The following DACH2 variants were observed in gnomAD, a reference collection of about 807,000 sequenced individuals.
DACH2 encodes dachshund homolog 2.
DACH2 carries 17 observed loss-of-function variants against 35.8 expected under a neutral mutation model. The observed-to-expected ratio is 0.48, with a 90% CI of 0.33 to 0.71. The LOEUF (loss-of-function observed/expected upper bound fraction) is 0.71, where lower values mean the gene tolerates loss of function less well. DACH2 is among the 30% of genes least tolerant of loss of function. The pLI, the probability that DACH2 is intolerant of heterozygous loss-of-function variation, is 0.02. For missense variants in DACH2, 469 were observed against 472.7 expected (o/e 0.99, Z 0.07); for synonymous variants, 195 against 177.3 (o/e 1.10, Z -0.79).
chrX:86,607,047 T>C lies in DACH2; in HGVS notation c.641-43989T>C, dbSNP rs761640854. On this transcript the variant is annotated intron_variant, in intron 3 of 11. Transcript: ENST00000373125. Reference sequence around the variant, plus strand: ...TTTTATGGTTTCCATTAGCATGGGATATCTTTTTATTTTTAGTCTGTGTGT... The same window carrying C: ...TTTTATGGTTTCCATTAGCATGGGACATCTTTTTATTTTTAGTCTGTGTGT... Among the ~76,000 whole-genome samples the C allele has an allele frequency of 4.0e-4, 45 of 111,792 alleles. 1 individual carries two copies. The highest frequency in any genetic ancestry group is 1.5e-3 in the South Asian group (4 of 2,695).
intron 1 of DACH2, among the ~76,000 whole-genome samples, chrX:86,362,155 T>C (rs934373135): frequency 9.0e-6 from 1 of 111,143 alleles, no homozygotes; most frequent in African/African-American, 3.3e-5. Context: ...TTTAGAACAA[T>C]GCTAGATACT....
chrX:86,723,769 G>C (rs1389672136), intron 6 of DACH2, among the ~76,000 whole-genome samples: 1 of 111,645 alleles, frequency 9.0e-6, no homozygotes, highest in Non-Finnish European at 1.9e-5. Flanking sequence ...ATATTCTGTA[G>C]TTGTTAGATA....
chrX:86,552,922 C>T (rs1056015933), intron 3 of DACH2, among the ~76,000 whole-genome samples: 9 of 110,775 alleles, frequency 8.1e-5, no homozygotes, highest in African/African-American at 2.6e-4. Flanking sequence ...TGTTACACAG[C>T]ATAGTATATA....
At chrX:86,512,872 G>A (rs768324250) in intron 2 of DACH2, 8 of 326,096 alleles carry the variant, frequency 2.5e-5, no homozygotes, top group African/African-American at 1.9e-4. Flanking sequence ...AGGCAAACAC[G>A]GTAAAACACT....
intron 4 of DACH2, among the ~76,000 whole-genome samples, chrX:86,677,066 T>C (rs1304661898): frequency 8.9e-6 from 1 of 112,036 alleles, no homozygotes; most frequent in Non-Finnish European, 1.9e-5. Context: ...TCAAAATATT[T>C]AATTTCTATG....
At chrX:86,502,758 C>A (rs1445263277) in intron 2 of DACH2, among the ~76,000 whole-genome samples, 1 of 112,338 alleles carries the variant, frequency 8.9e-6, no homozygotes, top group East Asian at 2.8e-4. Context: ...ACAACAAATA[C>A]ATACACCGAG....
chrX:86,410,050 C>T (rs2036585933), intron 2 of DACH2, among the ~76,000 whole-genome samples: 1 of 112,168 alleles, frequency 8.9e-6, no homozygotes, highest in Non-Finnish European at 1.9e-5. Flanking sequence ...ATACTGTAGG[C>T]TGATAACCTA....
At chrX:86,302,118 A>C (rs1026649264) in intron 1 of DACH2, among the ~76,000 whole-genome samples, 1 of 111,606 alleles carries the variant, frequency 9.0e-6, no homozygotes, top group Admixed American at 9.5e-5. Flanking sequence ...GGTTTTATAC[A>C]TATATATTTT....
intron 11 of DACH2, among the ~76,000 whole-genome samples, chrX:86,825,341 T>C (rs2042553103): frequency 9.1e-6 from 1 of 109,955 alleles, no homozygotes; most frequent in Non-Finnish European, 1.9e-5. Flanking sequence ...TGTTTGAACC[T>C]GGGAGGCGGA....
rs767152609 is a variant in DACH2, at chrX:86,698,521, G to GTTTTTTTTTTTTTTTTTTTTTTTTTTTTT, written c.931+3369_931+3370insTTTTTTTTTTTTTTTTTTTTTTTTTTTTT. ...CTTCTTTTTGTTTTGTTAGTTTTGT[G>GTTTTTTTTTTTTTTTTTTTTTTTTTTTTT]TTTTTTTTTTTTTTTTTTTTTTTTT... On this transcript the variant is annotated intron_variant, in intron 5 of 11. Transcript: ENST00000373125. Among the ~76,000 whole-genome samples the GTTTTTTTTTTTTTTTTTTTTTTTTTTTTT allele has an allele frequency of 7.6e-4, 25 of 32,955 alleles. 9 individuals are homozygous for GTTTTTTTTTTTTTTTTTTTTTTTTTTTTT. Among genetic ancestry groups the GTTTTTTTTTTTTTTTTTTTTTTTTTTTTT allele is most frequent in the East Asian group, 3.5e-3 (2 of 579 alleles). The allele number at this position is 32,955 out of a possible 115,157, so 28.6% of individuals were successfully genotyped here. A position where few individuals can be genotyped will look rare whatever the true frequency, so the allele number is the denominator to read the frequency against.
At chrX:86,376,412 G>T (rs1453544645) in intron 1 of DACH2, among the ~76,000 whole-genome samples, 1 of 110,034 alleles carries the variant, frequency 9.1e-6, no homozygotes, top group Non-Finnish European at 1.9e-5. Context: ...GGGAAGGAAG[G>T]CTCTTGAGAG....
At chrX:86,634,497 A>G (rs150545092) in intron 3 of DACH2, among the ~76,000 whole-genome samples, 3 of 111,144 alleles carry the variant, frequency 2.7e-5, no homozygotes, top group African/African-American at 9.8e-5. Context: ...AATTGGAAAC[A>G]GGGAAGTCAA....
At chrX:86,638,911 T>G (rs184753659) in intron 3 of DACH2, among the ~76,000 whole-genome samples, 1 of 112,121 alleles carries the variant, frequency 8.9e-6, no homozygotes, top group African/African-American at 3.2e-5. Context: ...CAACTGGGTA[T>G]CTACCAAAAG....
chrX:86,512,498 A>G (rs1488693664), intron 2 of DACH2, among the ~76,000 whole-genome samples: 1 of 111,629 alleles, frequency 9.0e-6, no homozygotes, highest in East Asian at 2.8e-4. Context: ...CATATGGCTC[A>G]TCACGTGGAA....
intron 3 of DACH2, among the ~76,000 whole-genome samples, chrX:86,616,484 C>G (rs1254580748): frequency 1.8e-5 from 2 of 111,969 alleles, no homozygotes; most frequent in Non-Finnish European, 3.8e-5. Flanking sequence ...GGTTGTATCT[C>G]ATTGGGATTT....
intron 3 of DACH2, among the ~76,000 whole-genome samples, chrX:86,564,538 A>C (rs1054360694): frequency 9.0e-6 from 1 of 111,560 alleles, no homozygotes; most frequent in African/African-American, 3.2e-5. Context: ...AATCCACTTT[A>C]ATTCCAGTGT....
At chrX:86,654,206 A>C (rs1271114737) in intron 4 of DACH2, among the ~76,000 whole-genome samples, 2 of 106,199 alleles carry the variant, frequency 1.9e-5, no homozygotes, top group African/African-American at 7.0e-5. Context: ...AAAAAAAAAA[A>C]AAAAAAAACG....
intron 1 of DACH2, among the ~76,000 whole-genome samples, chrX:86,368,067 A>C (rs2035831720): frequency 9.0e-6 from 1 of 111,551 alleles, no homozygotes; most frequent in African/African-American, 3.3e-5. Flanking sequence ...TTTAAAACCT[A>C]CTTCAAGACC....
chrX:86,518,715 G>T (rs2038509189), intron 3 of DACH2, among the ~76,000 whole-genome samples: 1 of 111,805 alleles, frequency 8.9e-6, no homozygotes, highest in South Asian at 3.7e-4. Flanking sequence ...TTGGTGTATA[G>T]GAATGCTAGT....
Sources: gnomAD v4.1 joint callset for allele counts (sites outside exome capture counted in the v4.1 genomes callset) on GRCh38, gnomAD v4.1.1 for gene constraint, MANE v1.5 for transcripts, NCBI Gene and HGNC (gene_info 2026-07-23, HGNC 2026-07-21) for gene names.